The following CLNS1A variants were observed in gnomAD, a reference collection of about 807,000 sequenced individuals.
The protein encoded by CLNS1A is chloride nucleotide-sensitive channel 1A.
In CLNS1A, 16 loss-of-function variants were observed where a neutral mutation model predicts 29.4. That is an observed-to-expected ratio of 0.54 (90% confidence interval 0.37 to 0.83). CLNS1A has a LOEUF of 0.83. Among genes scored for constraint, CLNS1A ranks in the 40% least tolerant of loss-of-function variants. The pLI is 0.00. For synonymous variants in CLNS1A, 96 were observed against 104.8 expected, an observed-to-expected ratio of 0.92 and a Z score of 0.51; for missense variants, 235 against 287.4, an observed-to-expected ratio of 0.82 and a Z score of 1.32.
intron 1 of CLNS1A, among the ~76,000 whole-genome samples, chr11:77,630,147 CACATGTATGTTTCTATGACTTTCATGCTT>C (rs1959060293): frequency 6.6e-6 from 1 of 152,154 alleles, no homozygotes; most frequent in Admixed American, 6.5e-5. Context: ...TTTCCTCAGT[CACATGTATGTTTCTATGACTTTCATGCTT>C]ACTCTTTTTT....
intron 1 of CLNS1A, among the ~76,000 whole-genome samples, chr11:77,636,939 C>G (rs141936565): frequency 6.6e-6 from 1 of 152,270 alleles, no homozygotes; most frequent in African/African-American, 2.4e-5. Flanking sequence ...AAGTGCTCCA[C>G]GTGGCCAAAT....
chr11:77,625,230 AAAT>A, intron 3 of CLNS1A, 160 bp from the exon 4 acceptor site: 1 of 604,152 alleles, frequency 1.7e-6, no homozygotes, highest in East Asian at 2.8e-5. Context: ...ACAAGTCATA[AAAT>A]AATAAGAGTT....
chr11:77,615,446 A>C lies in CLNS1A; in HGVS notation c.*1272T>G, dbSNP rs1397242493. On this transcript the variant is annotated 3_prime_UTR_variant, in exon 7 of 7. Coordinates refer to ENST00000525428, the MANE Select transcript of CLNS1A (RefSeq NM_001293.3). ...CTATCTACATGACCTTAAGCAAGTT[A>C]TTTTACCTCTCTCTATAACTCAGTT... 1 of 152,162 alleles carries C rather than the reference A, an allele frequency of 6.6e-6. No homozygotes were observed. Among genetic ancestry groups the C allele is most frequent in the Non-Finnish European group, 1.5e-5 (1 of 68,028 alleles). The allele number at this position is 152,162 out of a possible 1,614,324, so 9.4% of individuals were successfully genotyped here.
chr11:77,636,428 T>A (rs576592465), intron 1 of CLNS1A, among the ~76,000 whole-genome samples: 5 of 152,330 alleles, frequency 3.3e-5, no homozygotes, highest in Admixed American at 1.3e-4. Context: ...TATCTGCCTC[T>A]CACCTCAATC....
Position 77,637,590 on chromosome 11 carries a change from C to T in CLNS1A, c.125G>A (p.Ser42Asn). 6.2e-7 allele frequency: 1 copy of T among 1,602,260 alleles called. No individual in the cohort carries two copies. Among genetic ancestry groups the T allele is most frequent in the Non-Finnish European group, 8.5e-7 (1 of 1,174,850 alleles). The change falls in exon 1 of 7, where the codon AGC becomes AAC. Residue 42 changes from serine to asparagine, a missense_variant and splice_region_variant. By Grantham distance (46) the Ser-to-Asn change is conservative (BLOSUM62 1). Transcript: ENST00000525428. ...CAGCGCTGGGGACCAGGAACCCTAC[C>T]TCTCAGCGATGTAAAGGGTACCAGT... The part of the protein sequence containing the change: ...LGTGTLYIAE[S>N]RLSWLDGSGL...
At chr11:77,637,274 G>GAAAAAAAAAA (rs1959139272) in intron 1 of CLNS1A, among the ~76,000 whole-genome samples, 1 of 41,362 alleles carries the variant, frequency 2.4e-5, no homozygotes, top group African/African-American at 1.1e-4. Context: ...ATAAAAGAAA[G>GAAAAAAAAAA]AAAGAAAGAA....
At chr11:77,618,861 G>C (rs1958929711) in intron 6 of CLNS1A, among the ~76,000 whole-genome samples, 1 of 152,208 alleles carries the variant, frequency 6.6e-6, no homozygotes, top group Non-Finnish European at 1.5e-5. Context: ...CTGGATGACT[G>C]ACAGTGGTAG....
intron 2 of CLNS1A, among the ~76,000 whole-genome samples, chr11:77,627,311 A>G (rs1959030310): frequency 6.6e-6 from 1 of 150,994 alleles, no homozygotes; most frequent in Admixed American, 6.6e-5. Flanking sequence ...TGGTGGCGGG[A>G]GCCTGTAGTC....
intron 1 of CLNS1A, 123 bp downstream of exon 1, chr11:77,637,467 G>T: frequency 7.7e-7 from 1 of 1,300,776 alleles, no homozygotes; most frequent in Non-Finnish European, 1.0e-6. Context: ...TGAGGCGTCG[G>T]GCACGAGACC....
rs1356806364 is a variant in CLNS1A at position 77,622,549 on chromosome 11, C to T, written c.597G>A (p.Gln199=). 2 of 1,612,088 alleles carry T rather than the reference C, an allele frequency of 1.2e-6. No homozygotes were observed. The highest frequency in any genetic ancestry group is 1.7e-5 in the Admixed American group (1 of 59,412). The change falls in exon 5 of 7, where the codon CAG becomes CAA. Residue 199 remains glutamine, a synonymous_variant. Coordinates refer to ENST00000525428, the MANE Select transcript of CLNS1A (RefSeq NM_001293.3). The part of the protein sequence containing the change: ...EGMLSQSVSS[Q]YNMAGVRTED... ...CTGTCCTGACCCCAGCCATATTATA[C>T]TGGCTGCTCACAGACTGAGAAAGCA...
intron 6 of CLNS1A, among the ~76,000 whole-genome samples, chr11:77,617,527 C>T (rs890159464): frequency 2.0e-5 from 3 of 150,132 alleles, no homozygotes; most frequent in Non-Finnish European, 3.0e-5. Context: ...GGCAACAGAG[C>T]GAGACTCCCG....
Position 77,625,697 on chromosome 11 carries a change from CA to C in CLNS1A, c.364+19del. The C allele has an allele frequency of 6.3e-7, 1 of 1,597,720 alleles. No homozygotes were observed. The highest frequency in any genetic ancestry group is 8.5e-7 in the Non-Finnish European group (1 of 1,172,160). On this transcript the variant is annotated intron_variant, in intron 3 of 6. Transcript: ENST00000525428. Reference sequence around the variant, plus strand: ...GCTTGGTATGTAAAAGGGGAAGAATCAATACTGTAGAACACTCACACGCTGA... The same window carrying C: ...GCTTGGTATGTAAAAGGGGAAGAATCATACTGTAGAACACTCACACGCTGA...
At position 77,636,873 on chromosome 11, in the gene CLNS1A, C is replaced by A. The variant is rs138447009; in HGVS notation, c.125+717G>T. On this transcript the variant is annotated intron_variant, in intron 1 of 6. Coordinates refer to ENST00000525428, the MANE Select transcript of CLNS1A (RefSeq NM_001293.3). ...AAACTGCATGTCAAGGAAACAGGGA[C>A]CTCTGTTCTACAACCACAATATTTA... Among the ~76,000 whole-genome samples the A allele has an allele frequency of 5.5e-3, 842 of 152,220 alleles. 14 individuals are homozygous for A. The highest frequency in any genetic ancestry group is 0.019 in the African/African-American group (793 of 41,504).
At chr11:77,619,139 G>A (rs1422003614) in intron 6 of CLNS1A, among the ~76,000 whole-genome samples, 1 of 152,128 alleles carries the variant, frequency 6.6e-6, no homozygotes, top group Non-Finnish European at 1.5e-5. Context: ...GAAATACTTA[G>A]GCTGGCAAAG....
At chr11:77,617,882 C>T (rs1421842986) in intron 6 of CLNS1A, among the ~76,000 whole-genome samples, 1 of 150,714 alleles carries the variant, frequency 6.6e-6, no homozygotes, top group Non-Finnish European at 1.5e-5. Flanking sequence ...CACACCACTG[C>T]ACTCCAGCTT....
intron 1 of CLNS1A, among the ~76,000 whole-genome samples, chr11:77,635,234 C>G (rs1959112741): frequency 1.3e-5 from 2 of 151,446 alleles, no homozygotes; most frequent in African/African-American, 4.9e-5. Context: ...CGACAATTCT[C>G]AAATGGCTCA....
intron 3 of CLNS1A, chr11:77,625,328 A>C (rs1287617729): frequency 2.0e-6 from 1 of 501,160 alleles, no homozygotes; most frequent in Non-Finnish European, 3.5e-6. Flanking sequence ...GACTGCTGGC[A>C]TCAGGGTGAA....
rs777944388 is a variant in CLNS1A, at chr11:77,637,603, A to T, written c.112T>A (p.Tyr38Asn). Residue 38 changes from tyrosine to asparagine, a missense_variant, in exon 1 of 7, where the codon TAC (tyrosine) becomes AAC (asparagine). Physicochemically the swap from Tyr to Asn is moderately radical, Grantham distance 143 (BLOSUM62 -2). Coordinates refer to ENST00000525428, the MANE Select transcript of CLNS1A (RefSeq NM_001293.3). ...NGKGLGTGTL[Y>N]IAESRLSWLD... is the part of the protein sequence containing the mutation. Reference sequence around the variant, plus strand: ...CAGGAACCCTACCTCTCAGCGATGTAAAGGGTACCAGTGCCGAGGCCCTTC... The same window carrying T: ...CAGGAACCCTACCTCTCAGCGATGTTAAGGGTACCAGTGCCGAGGCCCTTC... 1 of 1,602,224 alleles carries T rather than the reference A, an allele frequency of 6.2e-7. No homozygotes were observed. Among genetic ancestry groups the T allele is most frequent in the Non-Finnish European group, 8.5e-7 (1 of 1,174,812 alleles).
At chr11:77,637,487 G>A (rs1959144457) in intron 1 of CLNS1A, 103 bp downstream of exon 1, 4 of 1,420,100 alleles carry the variant, frequency 2.8e-6, no homozygotes, top group South Asian at 3.0e-5. Flanking sequence ...CCCGCTCCCA[G>A]CAGGCCTCCA....
Sources: gnomAD v4.1 joint callset for allele counts (sites outside exome capture counted in the v4.1 genomes callset) on GRCh38, gnomAD v4.1.1 for gene constraint, MANE v1.5 for transcripts, NCBI Gene and HGNC (gene_info 2026-07-23, HGNC 2026-07-21) for gene names.